SLC26A7: variants seen among roughly 807,000 people sequenced by gnomAD.
SLC26A7 encodes anion exchange transporter.
In SLC26A7, 59 loss-of-function variants were observed where a neutral mutation model predicts 82.5. That is an observed-to-expected ratio of 0.72 (90% CI 0.58 to 0.89). The LOEUF is 0.89. Among genes scored for constraint, SLC26A7 ranks in the 40% least tolerant of loss-of-function variants. The pLI, the probability that SLC26A7 is intolerant of heterozygous loss-of-function variation, is 0.00. For missense variants in SLC26A7, 820 were observed against 793.0 expected (o/e 1.03, Z -0.41); for synonymous variants, 271 against 274.3 (o/e 0.99, Z 0.12).
intron 18 of SLC26A7, chr8:91,394,304 C>T: frequency 6.2e-7 from 1 of 1,612,242 alleles, no homozygotes. Context: ...CATTTGCAAA[C>T]TGCTTACTTG....
intron 14 of SLC26A7, 48 bp from the exon 15 acceptor site, chr8:91,369,737 A>G (rs1814301131): frequency 1.5e-6 from 2 of 1,357,142 alleles, no homozygotes; most frequent in East Asian, 5.2e-5. Flanking sequence ...TTCAGACAGA[A>G]GTAAAATTTT....
intron 4 of SLC26A7, among the ~76,000 whole-genome samples, chr8:91,317,603 G>T (rs1021927108): frequency 6.6e-6 from 1 of 152,130 alleles, no homozygotes; most frequent in Non-Finnish European, 1.5e-5. Context: ...CAAGTATCTG[G>T]TCAAAGAGTA....
intron 2 of SLC26A7, among the ~76,000 whole-genome samples, chr8:91,267,553 G>T: frequency 6.6e-6 from 1 of 151,600 alleles, no homozygotes; most frequent in East Asian, 1.9e-4. Context: ...GTCAATAGTT[G>T]TTCACAATAG....
intron 5 of SLC26A7, among the ~76,000 whole-genome samples, chr8:91,319,079 A>G (rs1392244005): frequency 6.6e-6 from 1 of 152,192 alleles, no homozygotes; most frequent in Non-Finnish European, 1.5e-5. Context: ...TAATGAGAGT[A>G]TTGCCATTCT....
At position 91,261,734 on chromosome 8, in the gene SLC26A7, G is replaced by A. The variant is rs148062109; in HGVS notation, c.193+11890G>A. 5.1e-4 allele frequency among the ~76,000 whole-genome samples: 77 copies of A among 152,192 alleles called. No homozygotes were observed. In the East Asian group the frequency reaches 0.014, roughly 27 times the overall value. On this transcript the variant is annotated intron_variant, in intron 2 of 18. Coordinates refer to ENST00000276609, the MANE Select transcript of SLC26A7 (RefSeq NM_052832.4). The stretch of plus-strand genomic sequence containing the variant: ...ACTGTACACACAGGTAACATCTAGG[G>A]AAGGGCAACCATTGTCCCACTTAAT...
chr8:91,244,487 T>C (rs1810517694), upstream of SLC26A7, among the ~76,000 whole-genome samples: 1 of 151,754 alleles, frequency 6.6e-6, no homozygotes, highest in Non-Finnish European at 1.5e-5. Context: ...CCTAGGCATT[T>C]TTTTTTTTCT....
At chr8:91,355,668 T>A (rs1563695781) in intron 11 of SLC26A7, among the ~76,000 whole-genome samples, 1 of 152,102 alleles carries the variant, frequency 6.6e-6, no homozygotes, top group African/African-American at 2.4e-5. Flanking sequence ...TTAAGGTTTT[T>A]TTTCCTGAGA....
At chr8:91,306,294 G>A (rs935633) in intron 4 of SLC26A7, among the ~76,000 whole-genome samples, 18,738 of 151,970 alleles carry the variant, frequency 0.12, 1,477 homozygotes, top group African/African-American at 0.21. Context: ...TCTCTCTTTT[G>A]TATGCGTGGT....
At position 91,395,119 on chromosome 8, in the gene SLC26A7, C is replaced by G. The variant is rs759666541; in HGVS notation, c.*22C>G. On this transcript the variant is annotated 3_prime_UTR_variant, in exon 19 of 19. Transcript: ENST00000276609. ...CTGAGACCCTTTTGTCACAGTACAG[C>G]TCTTGTCTTTACCAACTGCCTGAAG... 6.2e-7 allele frequency: 1 copy of G among 1,612,788 alleles called. No homozygotes were observed. Among genetic ancestry groups the G allele is most frequent in the Non-Finnish European group, 8.5e-7 (1 of 1,179,234 alleles).
In SLC26A7 at chr8:91,249,967, A is replaced by G. The variant is rs1009864819; in HGVS notation, c.193+123A>G. ...ATAAATGGATATTAGCTGTGGGGAA[A>G]CAAGCATATTGGATATATTTGGAGA... On this transcript the variant is annotated intron_variant, in intron 2 of 18. Coordinates refer to ENST00000276609, the MANE Select transcript of SLC26A7 (RefSeq NM_052832.4). 7.3e-6 allele frequency: 5 copies of G among 686,836 alleles called. No individual in the cohort carries two copies. In the African/African-American group the frequency reaches 9.4e-5, roughly 13 times the overall value. 42.5% of individuals were successfully genotyped at this position (686,836 alleles called of 1,614,324 possible).
chr8:91,309,540 T>C (rs1026081385), intron 4 of SLC26A7, among the ~76,000 whole-genome samples: 5 of 152,054 alleles, frequency 3.3e-5, no homozygotes, highest in African/African-American at 1.2e-4. Flanking sequence ...AATTCCAGTA[T>C]ATTTGCCAGC....
chr8:91,261,541 T>C (rs1236360124), intron 2 of SLC26A7, among the ~76,000 whole-genome samples: 1 of 152,108 alleles, frequency 6.6e-6, no homozygotes, highest in Non-Finnish European at 1.5e-5. Context: ...ATCCCATCTA[T>C]ATAACATAAC....
chr8:91,382,374 T>C (rs549206838), intron 15 of SLC26A7, among the ~76,000 whole-genome samples: 1 of 152,312 alleles, frequency 6.6e-6, no homozygotes, highest in Admixed American at 6.5e-5. Flanking sequence ...CAAATCCATT[T>C]ATGGCTCCAA....
chr8:91,374,059 A>G (rs1291039480), intron 15 of SLC26A7, among the ~76,000 whole-genome samples: 2 of 151,890 alleles, frequency 1.3e-5, no homozygotes, highest in African/African-American at 2.4e-5. Flanking sequence ...TTTCTGTGCT[A>G]TCAGTTGTGA....
chr8:91,223,519 T>G (rs1308430119), intron 2 of SLC26A7, among the ~76,000 whole-genome samples: 1 of 152,252 alleles, frequency 6.6e-6, no homozygotes, highest in Non-Finnish European at 1.5e-5. Context: ...CCAGAGATTC[T>G]GGTACATTGT....
At chr8:91,302,114 C>A (rs1363268383) in intron 4 of SLC26A7, among the ~76,000 whole-genome samples, 1 of 151,990 alleles carries the variant, frequency 6.6e-6, no homozygotes, top group Non-Finnish European at 1.5e-5. Flanking sequence ...TTCCTTCTAA[C>A]CTACTGTATA....
upstream of SLC26A7, among the ~76,000 whole-genome samples, chr8:91,248,694 T>C (rs1810583055): frequency 6.6e-6 from 1 of 152,002 alleles, no homozygotes; most frequent in South Asian, 2.1e-4. Context: ...GGCAGCACCA[T>C]AAAAAAAGCT....
intron 18 of SLC26A7, 52 bp downstream of exon 18, chr8:91,394,091 A>T (rs754205842): frequency 1.3e-6 from 2 of 1,593,686 alleles, no homozygotes; most frequent in Non-Finnish European, 1.7e-6. Context: ...CAGAATATAG[A>T]ATCGAAGCTT....
At chr8:91,324,996 A>G (rs1395864747) in intron 5 of SLC26A7, among the ~76,000 whole-genome samples, 2 of 152,200 alleles carry the variant, frequency 1.3e-5, no homozygotes, top group African/African-American at 4.8e-5. Flanking sequence ...GATTCTTTCC[A>G]GTGGAATTTC....
Sources: allele counts gnomAD v4.1 joint callset (sites outside exome capture counted in the v4.1 genomes callset), GRCh38; gene constraint gnomAD v4.1.1; transcripts MANE v1.5; gene names NCBI Gene and HGNC (gene_info 2026-07-23, HGNC 2026-07-21).